Variants in GRHL3 observed in about 807,000 individuals in gnomAD.
GRHL3 encodes grainyhead like transcription factor 3.
A neutral mutation model predicts 70.3 loss-of-function variants in GRHL3; 20 were observed. The ratio of observed to expected loss-of-function variants is 0.28; its 90% confidence interval spans 0.20 to 0.41. GRHL3 has a LOEUF of 0.41. Ranked by LOEUF, GRHL3 falls within the 10% of genes least tolerant of loss-of-function variation. The probability of loss-of-function intolerance (pLI) is 1.00; values close to 1 mark genes in which losing one functional copy is unlikely to be tolerated. For synonymous variants in GRHL3, 299 were observed against 299.9 expected (o/e 1.00, Z 0.03); for missense variants, 637 against 762.3 (o/e 0.84, Z 1.94).
At position 24,354,275 on chromosome 1, in the gene GRHL3, G is replaced by A. The variant is rs976909906; in HGVS notation, c.1695-99G>A. On this transcript the variant is annotated intron_variant, in intron 15 of 15. Coordinates refer to ENST00000361548, the MANE Select transcript of GRHL3 (RefSeq NM_198173.3). Reference sequence around the variant, plus strand: ...TTGTGAGGTGCCTAAAATGTGGCAGGTACCCACTGGGTATGACCCATCACT... The same window carrying A: ...TTGTGAGGTGCCTAAAATGTGGCAGATACCCACTGGGTATGACCCATCACT... The A allele has an allele frequency of 8.1e-5, 60 of 744,048 alleles. 4 individuals are homozygous for A. The South Asian group carries it at 8.9e-4, about 11-fold the overall frequency. 46.1% of individuals were successfully genotyped at this position (744,048 alleles called of 1,614,324 possible).
chr1:24,326,030 GA>G (rs1285803498), intron 1 of GRHL3, among the ~76,000 whole-genome samples: 1 of 152,234 alleles, frequency 6.6e-6, no homozygotes, highest in Non-Finnish European at 1.5e-5. Context: ...TTCCTCAAAT[GA>G]GGACAGTCAT....
chr1:24,323,854 C>T (rs1215544777), intron 1 of GRHL3, among the ~76,000 whole-genome samples: 12 of 152,132 alleles, frequency 7.9e-5, no homozygotes, highest in Admixed American at 6.6e-5. Flanking sequence ...ATTATCTCTC[C>T]GTTATTTGAT....
In GRHL3 at chr1:24,348,805, C is replaced by A. The variant is rs558934821; in HGVS notation, c.1629+1252C>A. 5.3e-5 allele frequency among the ~76,000 whole-genome samples: 8 copies of A among 152,336 alleles called. No individual in the cohort carries two copies. The South Asian group carries it at 1.7e-3, about 32-fold the overall frequency. On this transcript the variant is annotated intron_variant, in intron 14 of 15. Coordinates refer to ENST00000361548, the MANE Select transcript of GRHL3 (RefSeq NM_198173.3). Reference sequence around the variant, plus strand: ...AAAGAAATAGTCGTCTAAGAACTCTCTTGCCAGGAGGAATCTCTGTTAGGG... The same window carrying A: ...AAAGAAATAGTCGTCTAAGAACTCTATTGCCAGGAGGAATCTCTGTTAGGG...
rs527396940 is a variant in GRHL3, at chr1:24,337,929, C to T, written c.841-63C>T. ...GGTTGGGGAAACTGAGGCAAAAGGG[C>T]AGGCCATTGGAACCAGGCTCTAGGA... On this transcript the variant is annotated intron_variant, in intron 6 of 15. Transcript: ENST00000361548. The T allele has an allele frequency of 3.9e-6, 6 of 1,540,296 alleles. No individual in the cohort carries two copies. The East Asian group carries it at 1.4e-4, about 35-fold the overall frequency.
At chr1:24,358,639 C>T (rs372838863), downstream of GRHL3, 28 of 1,595,594 alleles carry the variant, frequency 1.8e-5, no homozygotes, top group Admixed American at 8.4e-5. Context: ...GACAGAGAGG[C>T]GGAGGCATTA....
chr1:24,337,524 C>A, intron 5 of GRHL3, 112 bp from the exon 6 acceptor site: 1 of 1,163,354 alleles, frequency 8.6e-7, no homozygotes. Flanking sequence ...GGTTATTTTC[C>A]AAGGTCAAAC....
chr1:24,343,495 T>C (rs1172844245), intron 11 of GRHL3, among the ~76,000 whole-genome samples: 1 of 152,138 alleles, frequency 6.6e-6, no homozygotes, highest in South Asian at 2.1e-4. Context: ...CCTCCTGAGA[T>C]TGCACAGCTA....
intron 1 of GRHL3, among the ~76,000 whole-genome samples, chr1:24,327,194 T>A (rs890876916): frequency 3.3e-5 from 5 of 152,216 alleles, no homozygotes; most frequent in Non-Finnish European, 7.3e-5. Context: ...TGAACCCTAC[T>A]GTAAAGTAGC....
At chr1:24,355,898 C>CTT (rs59310312), downstream of GRHL3, among the ~76,000 whole-genome samples, 5 of 144,718 alleles carry the variant, frequency 3.5e-5, no homozygotes, top group Non-Finnish European at 6.0e-5. Context: ...TTTCATTTAT[C>CTT]TTTTTTTTTT....
intron 8 of GRHL3, among the ~76,000 whole-genome samples, chr1:24,340,975 G>C (rs1390405055): frequency 6.6e-6 from 1 of 152,126 alleles, no homozygotes; most frequent in African/African-American, 2.4e-5. Context: ...AGCTGGCTGA[G>C]GGGGAGGTAT....
At chr1:24,330,150 T>C (rs1044393327) in intron 1 of GRHL3, among the ~76,000 whole-genome samples, 2 of 152,236 alleles carry the variant, frequency 1.3e-5, no homozygotes, top group African/African-American at 4.8e-5. Context: ...CACCTTTACA[T>C]TGTATAATGA....
At chr1:24,335,290 G>C (rs1350704858) in intron 3 of GRHL3, among the ~76,000 whole-genome samples, 1 of 152,228 alleles carries the variant, frequency 6.6e-6, no homozygotes, top group Non-Finnish European at 1.5e-5. Flanking sequence ...CCTGGCATTA[G>C]TGCCCCAGGG....
chr1:24,334,116 TG>T lies in GRHL3; in HGVS notation c.205-525del, dbSNP rs1481350149. Among the ~76,000 whole-genome samples, 1 of 152,144 alleles carries T rather than the reference TG, an allele frequency of 6.6e-6. No individual in the cohort carries two copies. Among genetic ancestry groups the T allele is most frequent in the Non-Finnish European group, 1.5e-5 (1 of 68,036 alleles). On this transcript the variant is annotated intron_variant, in intron 2 of 15. Coordinates refer to ENST00000361548, the MANE Select transcript of GRHL3 (RefSeq NM_198173.3). The surrounding 1 kb of genome is among the most constrained non-coding windows in gnomAD (Gnocchi z 4.3). Reference sequence around the variant, plus strand: ...AGGTTCTTCTTCCCACTCCCTGACTTGGGGCTCAGACTAATCATAGCTAGAG... The same window carrying T: ...AGGTTCTTCTTCCCACTCCCTGACTTGGGCTCAGACTAATCATAGCTAGAG...
chr1:24,357,174 C>T (rs1640772639), downstream of GRHL3: 1 of 152,150 alleles, frequency 6.6e-6, no homozygotes, highest in South Asian at 2.1e-4. Flanking sequence ...GGGAGGGACC[C>T]AGTGGGGCAC....
At position 24,364,316 on chromosome 1, in the gene GRHL3, C is replaced by A; in HGVS notation, c.1826C>A (p.Ser609Ter). Reference sequence around the variant, plus strand: ...TTTTGGAGGCAGAGGGACCTGGATTCAAATCCCAGCCCCACCACCGTCAAC... The same window carrying A: ...TTTTGGAGGCAGAGGGACCTGGATTAAAATCCCAGCCCCACCACCGTCAAC... Residue 609 changes from serine (S) to a stop codon, truncating the protein, a stop_gained, in exon 16 of 16, where the codon TCA becomes TAA. Transcript: ENST00000350501. LOFTEE classifies it low-confidence loss of function (END_TRUNC). 1 of 1,549,770 alleles carries A rather than the reference C, an allele frequency of 6.5e-7. No homozygotes were observed. Among genetic ancestry groups the A allele is most frequent in the Non-Finnish European group, 8.7e-7 (1 of 1,146,700 alleles).
downstream of GRHL3, among the ~76,000 whole-genome samples, chr1:24,359,882 A>G (rs1640981556): frequency 6.6e-6 from 1 of 152,192 alleles, no homozygotes; most frequent in Non-Finnish European, 1.5e-5. This position sits in a 1 kb window ranked among gnomAD's most constrained non-coding sequence, Gnocchi z 5.3. Context: ...CCCTCATGAT[A>G]TTAGCTCCCA....
At chr1:24,325,597 C>T (rs1469211821) in intron 1 of GRHL3, among the ~76,000 whole-genome samples, 1 of 152,212 alleles carries the variant, frequency 6.6e-6, no homozygotes, top group African/African-American at 2.4e-5. Context: ...CCCCACTTTA[C>T]CACTCTAGAC....
In GRHL3 at chr1:24,331,481, T is replaced by C. The variant is rs922269013; in HGVS notation, c.73T>C (p.Tyr25His). Residue 25 changes from tyrosine to histidine, a missense_variant, in exon 2 of 16, where the codon TAC becomes CAC. Coordinates refer to ENST00000361548, the MANE Select transcript of GRHL3 (RefSeq NM_198173.3). ...NDPVNLQKFS[Y>H]TSEDEAWKTY... ...CCCAGTCAACTTGCAGAAATTCTCT[T>C]ACACTAGTGAGGATGAGGCCTGGAA... 4 of 1,613,884 alleles carry C rather than the reference T, an allele frequency of 2.5e-6. No individual in the cohort carries two copies. Among genetic ancestry groups the C allele is most frequent in the Non-Finnish European group, 3.4e-6 (4 of 1,179,932 alleles).
chr1:24,356,527 C>A (rs558834561), downstream of GRHL3, among the ~76,000 whole-genome samples: 75 of 152,378 alleles, frequency 4.9e-4, no homozygotes, highest in South Asian at 6.6e-3. Flanking sequence ...GCGTGAGCCA[C>A]CGTGTCCGGC....
Sources: allele counts gnomAD v4.1 joint callset (sites outside exome capture counted in the v4.1 genomes callset), GRCh38; gene constraint gnomAD v4.1.1; non-coding constraint Gnocchi (gnomAD v3.1); transcripts MANE v1.5; gene names NCBI Gene and HGNC (gene_info 2026-07-23, HGNC 2026-07-21).